Variants in CHODL observed in about 807,000 individuals in gnomAD.
The protein encoded by CHODL is transmembrane protein MT75.
A neutral mutation model predicts 34.5 loss-of-function variants in CHODL; 29 were observed. That is an observed-to-expected ratio of 0.84 (90% CI 0.63 to 1.15). The LOEUF is 1.15. Ranked by LOEUF, CHODL falls within the 50% of genes most tolerant of loss-of-function variation. CHODL has a pLI of 0.00. For missense variants in CHODL, 332 were observed against 332.5 expected (o/e 1.00, Z 0.01); for synonymous variants, 125 against 116.1 (o/e 1.08, Z -0.49).
intron 2 of CHODL, among the ~76,000 whole-genome samples, chr21:18,179,012 A>G (rs1167200397): frequency 2.0e-5 from 3 of 152,194 alleles, no homozygotes; most frequent in African/African-American, 7.2e-5. Flanking sequence ...CCAGTTTTCC[A>G]AAACCCTTTC....
At chr21:18,192,827 C>T (rs1241075094) in intron 2 of CHODL, among the ~76,000 whole-genome samples, 1 of 152,030 alleles carries the variant, frequency 6.6e-6, no homozygotes, top group Non-Finnish European at 1.5e-5. Flanking sequence ...CATTTTGGCT[C>T]AAGCTAGTTG....
intron 2 of CHODL, among the ~76,000 whole-genome samples, chr21:18,135,704 C>A (rs191466827): frequency 3.0e-4 from 45 of 152,278 alleles, no homozygotes; most frequent in African/African-American, 1.1e-3. Flanking sequence ...GGGTCAGATA[C>A]TGTTTGAAAC....
intron 2 of CHODL, among the ~76,000 whole-genome samples, chr21:18,176,481 A>G (rs2146669552): frequency 6.6e-6 from 1 of 152,266 alleles, no homozygotes; most frequent in African/African-American, 2.4e-5. Context: ...GAACTTCATG[A>G]TTTACTCTTG....
At chr21:18,232,226 C>A (rs1404033103) in intron 2 of CHODL, among the ~76,000 whole-genome samples, 2 of 151,932 alleles carry the variant, frequency 1.3e-5, no homozygotes, top group African/African-American at 2.4e-5. Flanking sequence ...TTTATAAAAT[C>A]ATCATTTTCG....
rs753271143 is a variant in CHODL at position 18,262,827 on chromosome 21, C to T, written c.671C>T (p.Thr224Ile). 1.9e-6 allele frequency: 3 copies of T among 1,608,292 alleles called. No homozygotes were observed. Among genetic ancestry groups the T allele is most frequent in the Non-Finnish European group, 2.6e-6 (3 of 1,175,336 alleles). ...IPNLIYVVIP[T>I]IPLLLLILVA... ...AATCTAATTTATGTTGTTATACCAA[C>T]AATACCCCTGCTCTTACTGATACTG... Residue 224 changes from threonine to isoleucine, a missense_variant, in exon 5 of 6, where the codon ACA (threonine) becomes ATA (isoleucine). Physicochemically the swap from Thr to Ile is moderately conservative, Grantham distance 89. Transcript: ENST00000299295.
At chr21:18,150,529 C>T (rs7275593) in intron 2 of CHODL, among the ~76,000 whole-genome samples, 124,497 of 152,102 alleles carry the variant, frequency 0.82, 51,744 homozygotes, top group Non-Finnish European at 0.88. Flanking sequence ...GGGCCTTTTC[C>T]GGGTTGCAGA....
chr21:17,956,699 T>C (rs1453806940), intron 1 of CHODL, among the ~76,000 whole-genome samples: 1 of 136,338 alleles, frequency 7.3e-6, no homozygotes, highest in African/African-American at 2.5e-5. Context: ...TGTGTTTTCA[T>C]ATGGCAGAAG....
At chr21:18,087,137 C>A (rs921898542) in intron 2 of CHODL, among the ~76,000 whole-genome samples, 1 of 152,208 alleles carries the variant, frequency 6.6e-6, no homozygotes, top group Admixed American at 6.5e-5. Context: ...TCACCTTGAA[C>A]TTGGCCCATG....
intron 1 of CHODL, among the ~76,000 whole-genome samples, chr21:17,937,191 T>G (rs538281036): frequency 6.6e-6 from 1 of 152,014 alleles, no homozygotes; most frequent in East Asian, 1.9e-4. Flanking sequence ...TCCCAGAGCA[T>G]CAGTTTTCCA....
chr21:18,236,810 G>A (rs1218049742), intron 2 of CHODL, among the ~76,000 whole-genome samples: 1 of 152,024 alleles, frequency 6.6e-6, no homozygotes, highest in Non-Finnish European at 1.5e-5. Context: ...ATGAAAATGT[G>A]CTTTTATTAA....
chr21:17,935,974 C>T (rs530268206), intron 1 of CHODL, among the ~76,000 whole-genome samples: 145 of 152,310 alleles, frequency 9.5e-4, no homozygotes, highest in African/African-American at 3.3e-3. Flanking sequence ...GCTTTCTTTT[C>T]CCCTTTCTGT....
At chr21:18,161,868 T>G (rs1409184457) in intron 2 of CHODL, among the ~76,000 whole-genome samples, 5 of 152,220 alleles carry the variant, frequency 3.3e-5, no homozygotes, top group African/African-American at 1.2e-4. Context: ...GTTCGTTCAC[T>G]GGTAAATATT....
intron 1 of CHODL, among the ~76,000 whole-genome samples, chr21:17,925,577 T>C (rs1260858658): frequency 6.6e-6 from 1 of 152,270 alleles, no homozygotes; most frequent in Non-Finnish European, 1.5e-5. Flanking sequence ...CTACTCCTTA[T>C]GGAGTTTGCT....
chr21:18,167,698 CT>C (rs1264488436), intron 2 of CHODL, among the ~76,000 whole-genome samples: 4 of 151,906 alleles, frequency 2.6e-5, no homozygotes. Context: ...TTATTTTTTT[CT>C]TTTATTTTTG....
rs541853617 is a variant in CHODL, at chr21:17,939,314, A to G, written c.-145+21914A>G. ...TTGACTATTTTAGACACTGAATATA[A>G]GAAGAATCATGCAGTATTTGTCTTT... On this transcript the variant is annotated intron_variant, in intron 1 of 6. Coordinates refer to the CHODL transcript ENST00000400127. 1.4e-4 allele frequency among the ~76,000 whole-genome samples: 21 copies of G among 152,298 alleles called. 1 individual carries two copies. The East Asian group carries it at 3.9e-3, about 28-fold the overall frequency.
At chr21:18,139,085 G>T (rs1402175888) in intron 2 of CHODL, among the ~76,000 whole-genome samples, 2 of 152,024 alleles carry the variant, frequency 1.3e-5, no homozygotes, top group Non-Finnish European at 2.9e-5. Flanking sequence ...ATGTGTAAAA[G>T]CCTATGAGTA....
chr21:18,226,030 G>T (rs544117612), intron 2 of CHODL, among the ~76,000 whole-genome samples: 1 of 152,038 alleles, frequency 6.6e-6, no homozygotes, highest in Non-Finnish European at 1.5e-5. Flanking sequence ...AATCTAGCCC[G>T]TTGGGGAGAA....
chr21:18,051,080 T>C (rs943512102), intron 2 of CHODL, among the ~76,000 whole-genome samples: 7 of 151,822 alleles, frequency 4.6e-5, no homozygotes, highest in African/African-American at 1.5e-4. Flanking sequence ...CCTTCCCTAG[T>C]CCCCCAGCCC....
In CHODL at chr21:18,112,165, T is replaced by C. The variant is rs1436493064; in HGVS notation, c.-45+84194T>C. Among the ~76,000 whole-genome samples the C allele has an allele frequency of 2.0e-5, 3 of 151,992 alleles. No individual in the cohort carries two copies. In the East Asian group the frequency reaches 5.8e-4, roughly 29 times the overall value. On this transcript the variant is annotated intron_variant, in intron 2 of 6. Coordinates refer to the CHODL transcript ENST00000400127. Reference sequence around the variant, plus strand: ...TGCTAGTCGAGGTATGTGTAATGGATTGTGAAAGTGCAGAGGATTGGCATG... The same window carrying C: ...TGCTAGTCGAGGTATGTGTAATGGACTGTGAAAGTGCAGAGGATTGGCATG...
Sources: allele counts gnomAD v4.1 joint callset (sites outside exome capture counted in the v4.1 genomes callset), GRCh38; gene constraint gnomAD v4.1.1; transcripts MANE v1.5; gene names NCBI Gene and HGNC (gene_info 2026-07-23, HGNC 2026-07-21).